KCNK2: variants seen among roughly 807,000 people sequenced by gnomAD.
KCNK2 encodes potassium channel subfamily K member 2.
KCNK2 carries 21 observed loss-of-function variants against 40.5 expected under a neutral mutation model. The observed-to-expected ratio is 0.52, with a 90% confidence interval of 0.37 to 0.75. KCNK2 has a LOEUF of 0.75. Ranked by LOEUF, KCNK2 falls within the 30% of genes least tolerant of loss-of-function variation. KCNK2 has a pLI of 0.00. For synonymous variants in KCNK2, 191 were observed against 202.2 expected (o/e 0.94, Z 0.47); for missense variants, 399 against 531.6 (o/e 0.75, Z 2.45).
At chr1:215,135,926 G>A (rs965148902) in intron 3 of KCNK2, among the ~76,000 whole-genome samples, 5 of 151,816 alleles carry the variant, frequency 3.3e-5, no homozygotes, top group African/African-American at 1.2e-4. Flanking sequence ...GTAGAGACGG[G>A]GTTTCACCAT....
rs61818307 is a variant in KCNK2, at chr1:215,101,064, A to C, written c.357+14386A>C. ...GTTGGTGTGATGATCTACACATCTAAAGCAAGAAATAGTTAAAATTCATGT... is the reference window on the plus strand; with the variant it reads ...GTTGGTGTGATGATCTACACATCTACAGCAAGAAATAGTTAAAATTCATGT... On this transcript the variant is annotated intron_variant, in intron 2 of 6. Coordinates refer to ENST00000444842, the MANE Select transcript of KCNK2 (RefSeq NM_001017425.3). Among the ~76,000 whole-genome samples the C allele has an allele frequency of 9.6e-3, 1,463 of 152,140 alleles. 22 individuals carry two copies. The highest frequency in any genetic ancestry group is 0.061 in the South Asian group (292 of 4,822).
intron 1 of KCNK2, among the ~76,000 whole-genome samples, chr1:215,074,514 G>A (rs1286173048): frequency 6.6e-6 from 1 of 152,274 alleles, no homozygotes; most frequent in Non-Finnish European, 1.5e-5. Context: ...TGTGATCTCA[G>A]GTGAAGGCAA....
At chr1:215,009,444 T>C (rs1656298978) in intron 1 of KCNK2, among the ~76,000 whole-genome samples, 1 of 152,106 alleles carries the variant, frequency 6.6e-6, no homozygotes, top group African/African-American at 2.4e-5. Context: ...ACAAAACCAT[T>C]TACATATATA....
intron 3 of KCNK2, among the ~76,000 whole-genome samples, chr1:215,139,543 G>A (rs1662078768): frequency 6.6e-6 from 1 of 152,054 alleles, no homozygotes; most frequent in Non-Finnish European, 1.5e-5. Flanking sequence ...CAACACTTTG[G>A]GAGGCCAAGG....
chr1:215,132,101 A>G (rs1661704698), intron 3 of KCNK2, among the ~76,000 whole-genome samples: 1 of 152,248 alleles, frequency 6.6e-6, no homozygotes, highest in African/African-American at 2.4e-5. Flanking sequence ...ACTTTTGGAA[A>G]TACAGAAAGT....
intron 6 of KCNK2, among the ~76,000 whole-genome samples, chr1:215,231,099 C>A (rs937107334): frequency 6.6e-6 from 1 of 152,128 alleles, no homozygotes; most frequent in African/African-American, 2.4e-5. Context: ...CTTTGTGAAA[C>A]TTCTCGAGAA....
chr1:215,017,907 G>T (rs1348844173), intron 1 of KCNK2, among the ~76,000 whole-genome samples: 1 of 151,972 alleles, frequency 6.6e-6, no homozygotes, highest in Non-Finnish European at 1.5e-5. Context: ...CAAAAATGGT[G>T]GGCAGATACA....
intron 6 of KCNK2, among the ~76,000 whole-genome samples, chr1:215,230,533 G>GCCATATA (rs1558150327): frequency 0.021 from 1,336 of 62,460 alleles, 51 homozygotes; most frequent in African/African-American, 0.053. Flanking sequence ...ATATATATAT[G>GCCATATA]TATATATATA....
intron 3 of KCNK2, among the ~76,000 whole-genome samples, chr1:215,147,574 G>A (rs1662481070): frequency 6.6e-6 from 1 of 152,110 alleles, no homozygotes; most frequent in African/African-American, 2.4e-5. Context: ...GCTCATGCCT[G>A]TAATCCCAGC....
At position 215,235,430 on chromosome 1, in the gene KCNK2, T is replaced by A. The variant is rs995714473; in HGVS notation, c.*285T>A. On this transcript the variant is annotated 3_prime_UTR_variant, in exon 7 of 7. Transcript: ENST00000444842. ...TGTTTTCCTCTCTCTTTCCCTAATG[T>A]GCCATAAGGCCTCAGAATGAATGAG... 8.8e-6 allele frequency: 3 copies of A among 341,114 alleles called. No individual in the cohort carries two copies. The highest frequency in any genetic ancestry group is 6.2e-5 in the African/African-American group (3 of 48,722). The allele number at this position is 341,114 out of a possible 1,614,324, so 21.1% of individuals were successfully genotyped here.
intron 1 of KCNK2, among the ~76,000 whole-genome samples, chr1:215,028,700 G>A (rs1000969093): frequency 3.9e-5 from 6 of 151,966 alleles, no homozygotes; most frequent in Non-Finnish European, 5.9e-5. Flanking sequence ...TAAAGGTACC[G>A]TTCAGTTTTG....
chr1:215,117,857 G>C (rs947043955), intron 2 of KCNK2, among the ~76,000 whole-genome samples: 1 of 152,198 alleles, frequency 6.6e-6, no homozygotes, highest in Non-Finnish European at 1.5e-5. Flanking sequence ...GATGGGTCTA[G>C]TATCCTGCTG....
At chr1:215,062,374 G>A (rs894800975) in intron 1 of KCNK2, among the ~76,000 whole-genome samples, 14 of 151,964 alleles carry the variant, frequency 9.2e-5, no homozygotes, top group Non-Finnish European at 2.9e-5. Context: ...AAGAAGGCAT[G>A]TGCTCAGCTC....
At chr1:215,059,587 T>C (rs1658299249) in intron 1 of KCNK2, among the ~76,000 whole-genome samples, 1 of 152,012 alleles carries the variant, frequency 6.6e-6, no homozygotes, top group South Asian at 2.1e-4. Context: ...TGGGGTGAAA[T>C]TGGGATTAGA....
At chr1:215,159,072 A>G (rs937407171) in intron 3 of KCNK2, among the ~76,000 whole-genome samples, 4 of 152,142 alleles carry the variant, frequency 2.6e-5, no homozygotes, top group African/African-American at 9.7e-5. Flanking sequence ...TTCTTCTTTA[A>G]ATTACCTTCA....
At chr1:215,056,957 T>TGA (rs1453625684) in intron 1 of KCNK2, among the ~76,000 whole-genome samples, 1 of 152,244 alleles carries the variant, frequency 6.6e-6, no homozygotes, top group Non-Finnish European at 1.5e-5. Context: ...AGGAATAATA[T>TGA]GAGTATTTAT....
chr1:215,123,226 A>G (rs964485361), intron 2 of KCNK2, among the ~76,000 whole-genome samples: 1 of 31,902 alleles, frequency 3.1e-5, no homozygotes, highest in African/African-American at 5.6e-5. Context: ...ATATGGTAAT[A>G]AAAAAAACCT....
chr1:215,126,453 T>C (rs1283802475), intron 3 of KCNK2, among the ~76,000 whole-genome samples: 1 of 152,242 alleles, frequency 6.6e-6, no homozygotes, highest in East Asian at 1.9e-4. Flanking sequence ...ACTATGGAAA[T>C]AACTATTTAT....
At chr1:215,046,712 A>G (rs1387376369) in intron 1 of KCNK2, among the ~76,000 whole-genome samples, 2 of 152,140 alleles carry the variant, frequency 1.3e-5, no homozygotes, top group African/African-American at 4.8e-5. Context: ...CAGAAATAAC[A>G]TGACTTAAAG....
Sources: gnomAD v4.1 joint callset for allele counts (sites outside exome capture counted in the v4.1 genomes callset) on GRCh38, gnomAD v4.1.1 for gene constraint, MANE v1.5 for transcripts, NCBI Gene and HGNC (gene_info 2026-07-23, HGNC 2026-07-21) for gene names.